SPOCK3: variants seen among roughly 807,000 people sequenced by gnomAD.
SPOCK3 encodes SPARC (osteonectin), cwcv and kazal like domains proteoglycan 3, also known as testican-3.
Under a neutral mutation model 56.6 loss-of-function variants are expected in SPOCK3, and 30 were observed. That is an observed-to-expected ratio of 0.53 (90% confidence interval 0.40 to 0.72). The LOEUF (loss-of-function observed/expected upper bound fraction) is 0.72, where lower values mean the gene tolerates loss of function less well. SPOCK3 is among the 30% of genes least tolerant of loss of function. The pLI, the probability that SPOCK3 is intolerant of heterozygous loss-of-function variation, is 0.00. For synonymous variants in SPOCK3, 196 were observed against 183.3 expected (o/e 1.07, Z -0.56); for missense variants, 527 against 530.0 (o/e 0.99, Z 0.06).
chr4:167,082,116 G>C (rs1301614925), intron 2 of SPOCK3, among the ~76,000 whole-genome samples: 1 of 152,096 alleles, frequency 6.6e-6, no homozygotes, highest in Non-Finnish European at 1.5e-5. Context: ...TTGGTATGAA[G>C]AGTTTGAAGC....
At chr4:166,859,152 C>G (rs543508597) in intron 6 of SPOCK3, among the ~76,000 whole-genome samples, 1 of 152,244 alleles carries the variant, frequency 6.6e-6, no homozygotes, top group African/African-American at 2.4e-5. Flanking sequence ...GAGCAATAGG[C>G]TATACCATAT....
intron 6 of SPOCK3, among the ~76,000 whole-genome samples, chr4:166,798,137 TATA>T (rs1178397972): frequency 6.6e-6 from 1 of 152,220 alleles, no homozygotes; most frequent in Non-Finnish European, 1.5e-5. Flanking sequence ...ACCTGATCAT[TATA>T]ATAAACAACT....
chr4:166,901,664 G>T (rs1341282126), intron 5 of SPOCK3, among the ~76,000 whole-genome samples: 1 of 152,082 alleles, frequency 6.6e-6, no homozygotes, highest in Non-Finnish European at 1.5e-5. Flanking sequence ...TGCTGCACCT[G>T]ACTTAATTCC....
At chr4:167,193,478 T>A (rs542757879) in intron 2 of SPOCK3, among the ~76,000 whole-genome samples, 1 of 146,154 alleles carries the variant, frequency 6.8e-6, no homozygotes, top group Non-Finnish European at 1.5e-5. Flanking sequence ...CACCAATTAA[T>A]AAATTATCAT....
chr4:166,752,565 TATATATATACACACACACACACACAC>T (rs1267377963), intron 8 of SPOCK3, among the ~76,000 whole-genome samples: 10 of 101,266 alleles, frequency 9.9e-5, no homozygotes, highest in Admixed American at 3.1e-4. Flanking sequence ...TATATATATA[TATATATATACACACACACACACACAC>T]ACACACACAC....
At chr4:167,143,853 C>G (rs1308010569) in intron 2 of SPOCK3, among the ~76,000 whole-genome samples, 1 of 151,864 alleles carries the variant, frequency 6.6e-6, no homozygotes, top group Non-Finnish European at 1.5e-5. Context: ...GAATGAGGTA[C>G]TTAGCCAACA....
intron 2 of SPOCK3, among the ~76,000 whole-genome samples, chr4:167,228,595 A>G (rs74468247): frequency 0.012 from 1,762 of 152,268 alleles, 18 homozygotes; most frequent in Non-Finnish European, 0.019. Context: ...TGACAAAACC[A>G]AACTTAAATC....
chr4:167,102,861 C>A (rs1314323888), intron 2 of SPOCK3, among the ~76,000 whole-genome samples: 3 of 146,372 alleles, frequency 2.0e-5, no homozygotes, highest in African/African-American at 7.6e-5. Context: ...GGGACACCAG[C>A]CAGGACGGCT....
intron 6 of SPOCK3, among the ~76,000 whole-genome samples, chr4:166,859,804 A>G (rs1392033324): frequency 6.6e-6 from 1 of 152,132 alleles, no homozygotes; most frequent in Non-Finnish European, 1.5e-5. Context: ...CATCTTCAGA[A>G]ATAGGGCACC....
intron 6 of SPOCK3, among the ~76,000 whole-genome samples, chr4:166,825,269 G>C (rs1473095841): frequency 6.6e-6 from 1 of 152,036 alleles, no homozygotes; most frequent in Non-Finnish European, 1.5e-5. Flanking sequence ...GACCTGAGAA[G>C]TAAAACTATT....
intron 9 of SPOCK3, among the ~76,000 whole-genome samples, chr4:166,741,748 C>T (rs1021459342): frequency 4.6e-5 from 7 of 152,040 alleles, no homozygotes; most frequent in Non-Finnish European, 1.0e-4. Flanking sequence ...TTTAGCATTG[C>T]TTAAATCTTT....
chr4:166,751,470 G>C (rs1051142576), intron 8 of SPOCK3, among the ~76,000 whole-genome samples: 4 of 152,106 alleles, frequency 2.6e-5, no homozygotes, highest in Admixed American at 2.0e-4. Context: ...TGTTATTTCT[G>C]AAAGTAGAAT....
In SPOCK3 at chr4:166,786,690, A is replaced by G. The variant is rs535197420; in HGVS notation, c.709+5480T>C. 9.7e-4 allele frequency among the ~76,000 whole-genome samples: 148 copies of G among 152,286 alleles called. 1 individual carries two copies. Among genetic ancestry groups the G allele is most frequent in the African/African-American group, 3.4e-3 (143 of 41,566 alleles). On this transcript the variant is annotated intron_variant, in intron 7 of 10. Coordinates refer to ENST00000357545, the MANE Select transcript of SPOCK3 (RefSeq NM_001040159.2). ...ACTTATGTCAGGTTGACCTCTAAAA[A>G]CTATTGTTTTGTAGTTCCAAAATTG...
At chr4:166,857,709 C>T (rs894450318) in intron 6 of SPOCK3, among the ~76,000 whole-genome samples, 2 of 152,138 alleles carry the variant, frequency 1.3e-5, no homozygotes, top group African/African-American at 2.4e-5. Flanking sequence ...TTATGTCTTT[C>T]CAGCTCCAAA....
chr4:166,877,688 T>C (rs904805162), intron 6 of SPOCK3, among the ~76,000 whole-genome samples: 4 of 152,178 alleles, frequency 2.6e-5, no homozygotes, highest in African/African-American at 9.7e-5. Context: ...AGATAAACCA[T>C]ACTTTCATTC....
chr4:166,942,678 G>A (rs890711630), intron 4 of SPOCK3, among the ~76,000 whole-genome samples: 8 of 152,044 alleles, frequency 5.3e-5, no homozygotes, highest in Non-Finnish European at 5.9e-5. Flanking sequence ...AAAGCAATGG[G>A]GTAGAAAAGA....
chr4:167,011,329 G>C (rs771059604), intron 3 of SPOCK3: 1 of 455,564 alleles, frequency 2.2e-6, no homozygotes, highest in East Asian at 7.0e-5. Context: ...TTGATTCAGG[G>C]GTTGTTGCCT....
At chr4:167,206,819 A>G (rs1302433703) in intron 2 of SPOCK3, among the ~76,000 whole-genome samples, 2 of 152,016 alleles carry the variant, frequency 1.3e-5, no homozygotes, top group East Asian at 3.9e-4. Context: ...CTAAATGACT[A>G]AGAGGCCAGC....
In SPOCK3 at chr4:166,952,929, C is replaced by T. The variant is rs556077183; in HGVS notation, c.351-40186G>A. On this transcript the variant is annotated intron_variant, in intron 4 of 10. Transcript: ENST00000357545. Reference sequence around the variant, plus strand: ...CCTTCCTTACACCTTATACAAAAATCAATTCAAGATGGATTAAAGACTTAA... The same window carrying T: ...CCTTCCTTACACCTTATACAAAAATTAATTCAAGATGGATTAAAGACTTAA... 4.0e-5 allele frequency among the ~76,000 whole-genome samples: 6 copies of T among 150,642 alleles called. No individual in the cohort carries two copies. The South Asian group carries it at 8.4e-4, about 21-fold the overall frequency.
Sources: allele counts gnomAD v4.1 joint callset (sites outside exome capture counted in the v4.1 genomes callset), GRCh38; gene constraint gnomAD v4.1.1; transcripts MANE v1.5; gene names NCBI Gene and HGNC (gene_info 2026-07-23, HGNC 2026-07-21).